The following IFITM10 variants were observed in gnomAD, a reference collection of about 807,000 sequenced individuals.
The protein encoded by IFITM10 is interferon induced transmembrane protein 10, also known as interferon-induced transmembrane protein 10.
IFITM10 carries 17 observed loss-of-function variants against 19.0 expected under a neutral mutation model. That is an observed-to-expected ratio of 0.90 (90% CI 0.61 to 1.34). IFITM10 has a LOEUF of 1.34. IFITM10 is among the 40% of genes most tolerant of loss of function. The pLI is 0.00. For synonymous variants in IFITM10, 148 were observed against 147.2 expected (o/e 1.01, Z -0.04); for missense variants, 306 against 319.8 (o/e 0.96, Z 0.33).
At chr11:1,742,755 G>T (rs1034416077) in intron 2 of IFITM10, among the ~76,000 whole-genome samples, 3 of 152,206 alleles carry the variant, frequency 2.0e-5, no homozygotes, top group African/African-American at 7.2e-5. Flanking sequence ...GGCAGGGAGG[G>T]GAGCCTGAAT....
In IFITM10 at chr11:1,747,937, AG is replaced by A; in HGVS notation, c.266del (p.Pro89LeufsTer40). 2 of 1,477,254 alleles carry A rather than the reference AG, an allele frequency of 1.4e-6. No individual in the cohort carries two copies. Among genetic ancestry groups the A allele is most frequent in the African/African-American group, 1.4e-5 (1 of 70,876 alleles). The allele number at this position is 1,477,254 out of a possible 1,614,324, so 91.5% of individuals were successfully genotyped here. On this transcript the variant is annotated frameshift_variant, in exon 2 of 3. Transcript: ENST00000340134. LOFTEE classifies it high-confidence loss of function. ...GGGGAGAGGCCGAGGGCTCAGGGGC[AG>A]GGGCCGCCGGAGCCTGCAGGGCAGG... is the stretch of plus-strand genomic sequence containing the variant. Reference protein sequence around the residue: ...KPPALQAPAAPAPEPSASPPM... With the variant: ...KPPALQAPAAXAPEPSASPPM...
In IFITM10 at chr11:1,735,080, G is replaced by T. The variant is rs997126139; in HGVS notation, c.*200C>A. 7 of 586,738 alleles carry T rather than the reference G, an allele frequency of 1.2e-5. No individual in the cohort carries two copies. Among genetic ancestry groups the T allele is most frequent in the Non-Finnish European group, 2.1e-5 (7 of 334,488 alleles). The allele number at this position is 586,738 out of a possible 1,614,324, so 36.3% of individuals were successfully genotyped here. A position where few individuals can be genotyped will look rare whatever the true frequency, so the allele number is the denominator to read the frequency against. On this transcript the variant is annotated 3_prime_UTR_variant, in exon 3 of 3. Transcript: ENST00000340134. ...GCAGGGTGGAGGCCAGGAGGCGGAGGGGGTGGACTGAGGGCCAAGCTCACT... is the reference window on the plus strand; with the variant it reads ...GCAGGGTGGAGGCCAGGAGGCGGAGTGGGTGGACTGAGGGCCAAGCTCACT...
At chr11:1,741,354 C>A (rs758346288) in intron 2 of IFITM10, among the ~76,000 whole-genome samples, 3 of 151,426 alleles carry the variant, frequency 2.0e-5, no homozygotes, top group Non-Finnish European at 4.4e-5. Flanking sequence ...GCGGAATGGG[C>A]TGAAAAGTAC....
At chr11:1,736,201 C>A (rs1177472331) in intron 2 of IFITM10, among the ~76,000 whole-genome samples, 1 of 152,120 alleles carries the variant, frequency 6.6e-6, no homozygotes, top group Non-Finnish European at 1.5e-5. Flanking sequence ...CAGGAAGGGG[C>A]AAAAAGTCTT....
chr11:1,744,498 G>A (rs1489619440), intron 2 of IFITM10: 1 of 153,002 alleles, frequency 6.5e-6, no homozygotes, highest in East Asian at 1.9e-4. Context: ...TGGTCATCAG[G>A]AGACAGTGTG....
At chr11:1,736,375 A>C (rs1028238045) in intron 2 of IFITM10, among the ~76,000 whole-genome samples, 1 of 152,094 alleles carries the variant, frequency 6.6e-6, no homozygotes, top group Non-Finnish European at 1.5e-5. Context: ...AGGGTGATGG[A>C]TGTGTAATTG....
In IFITM10 at chr11:1,734,677, TC is replaced by T. The variant is rs1851064515; in HGVS notation, c.*602del. On this transcript the variant is annotated 3_prime_UTR_variant, in exon 3 of 3. Coordinates refer to ENST00000340134, the MANE Select transcript of IFITM10 (RefSeq NM_001170820.4). The stretch of plus-strand genomic sequence containing the variant: ...GGCACAGCTGTGATGGAGCAGACCG[TC>T]CCCTGCAGTCTGTTGGGACACAGCA... 6.6e-6 allele frequency: 1 copy of T among 152,126 alleles called. No homozygotes were observed. Among genetic ancestry groups the T allele is most frequent in the Non-Finnish European group, 1.5e-5 (1 of 68,162 alleles). The allele number at this position is 152,126 out of a possible 1,614,324, so 9.4% of individuals were successfully genotyped here.
intron 1 of IFITM10, 61 bp from the exon 2 acceptor site, chr11:1,748,180 G>A (rs1047961837): frequency 6.4e-5 from 76 of 1,187,406 alleles, no homozygotes; most frequent in South Asian, 1.1e-4. Context: ...CCACCCTCAC[G>A]CCCAGCAGCT....
At chr11:1,737,654 C>T (rs1409869302) in intron 2 of IFITM10, among the ~76,000 whole-genome samples, 3 of 152,154 alleles carry the variant, frequency 2.0e-5, no homozygotes, top group East Asian at 1.9e-4. Context: ...GATTCCAGAG[C>T]GTTTCCAGAC....
intron 2 of IFITM10, among the ~76,000 whole-genome samples, chr11:1,747,404 G>T (rs1041314116): frequency 6.6e-6 from 1 of 151,980 alleles, no homozygotes; most frequent in African/African-American, 2.4e-5. Flanking sequence ...CGCTGAGCTG[G>T]CTGAGCAGAA....
At chr11:1,739,217 A>T (rs2133642348) in intron 2 of IFITM10, among the ~76,000 whole-genome samples, 1 of 152,222 alleles carries the variant, frequency 6.6e-6, no homozygotes, top group East Asian at 1.9e-4. Flanking sequence ...CCATGGCTGG[A>T]TATAGTAACG....
At chr11:1,745,633 C>G (rs1449065996) in intron 2 of IFITM10, 4 of 152,532 alleles carry the variant, frequency 2.6e-5, no homozygotes, top group African/African-American at 4.8e-5. Flanking sequence ...CACTCACACA[C>G]ACTTGTGCAC....
intron 2 of IFITM10, among the ~76,000 whole-genome samples, 186 bp from the exon 3 acceptor site, chr11:1,735,615 G>T (rs562254897): frequency 1.3e-5 from 2 of 152,308 alleles, no homozygotes; most frequent in African/African-American, 4.8e-5. Context: ...GTACACGGAT[G>T]AACTTGGGGC....
At chr11:1,746,447 C>T in intron 2 of IFITM10, 1 of 397,838 alleles carries the variant, frequency 2.5e-6, no homozygotes, top group Non-Finnish European at 4.4e-6. Context: ...TATGCAATTA[C>T]ACGTGAGTAC....
chr11:1,745,582 CA>C (rs1157811875), intron 2 of IFITM10: 1 of 152,444 alleles, frequency 6.6e-6, no homozygotes, highest in Non-Finnish European at 1.5e-5. Context: ...CGTATGATTA[CA>C]CACGCATGCA....
rs1489450003 is a variant in IFITM10 at position 1,747,614 on chromosome 11, G to A, written c.537+53C>T. ...AGCGCCCACAGCCAGGGACTGTCCT[G>A]CCGGCACCACCTCTCTAGCCCGCCC... On this transcript the variant is annotated intron_variant, in intron 2 of 2. Transcript: ENST00000340134. The A allele has an allele frequency of 4.0e-6, 6 of 1,488,594 alleles. No homozygotes were observed. The African/African-American group carries it at 5.6e-5, about 14-fold the overall frequency. 92.2% of individuals were successfully genotyped at this position (1,488,594 alleles called of 1,614,324 possible).
chr11:1,741,443 G>A (rs932840017), intron 2 of IFITM10, among the ~76,000 whole-genome samples: 6 of 152,032 alleles, frequency 3.9e-5, no homozygotes, highest in Non-Finnish European at 1.5e-5. Flanking sequence ...GTAGAGGAGA[G>A]GGAGGAGGAG....
chr11:1,746,787 A>G (rs558313550), intron 2 of IFITM10: 7 of 398,658 alleles, frequency 1.8e-5, no homozygotes, highest in East Asian at 7.1e-5. Flanking sequence ...GGCCTTGGCC[A>G]CTCAAGTCTG....
intron 2 of IFITM10, among the ~76,000 whole-genome samples, chr11:1,740,071 G>T (rs575584974): frequency 6.6e-6 from 1 of 152,148 alleles, no homozygotes; most frequent in Non-Finnish European, 1.5e-5. Context: ...GGAGGCCAAG[G>T]CAGGCAGATC....
Sources: gnomAD v4.1 joint callset for allele counts (sites outside exome capture counted in the v4.1 genomes callset) on GRCh38, gnomAD v4.1.1 for gene constraint, MANE v1.5 for transcripts, NCBI Gene and HGNC (gene_info 2026-07-23, HGNC 2026-07-21) for gene names.